Variants in GLIS3 observed in about 807,000 individuals in gnomAD.
The protein encoded by GLIS3 is GLIS family zinc finger 3.
In GLIS3, 53 loss-of-function variants were observed where a neutral mutation model predicts 78.6. The ratio of observed to expected loss-of-function variants is 0.67; its 90% confidence interval spans 0.54 to 0.85. The LOEUF (loss-of-function observed/expected upper bound fraction) is 0.85. Ranked by LOEUF, GLIS3 falls within the 40% of genes least tolerant of loss-of-function variation. GLIS3 has a pLI of 0.00. For synonymous variants in GLIS3, 684 were observed against 509.9 expected, an observed-to-expected ratio of 1.34 and a Z score of -4.60; for missense variants, 1,703 against 1,231.1, an observed-to-expected ratio of 1.38 and a Z score of -5.74.
intron 2 of GLIS3, among the ~76,000 whole-genome samples, chr9:4,214,383 C>T (rs771717309): frequency 6.6e-6 from 1 of 152,174 alleles, no homozygotes; most frequent in Non-Finnish European, 1.5e-5. Flanking sequence ...CTTAGTGTCA[C>T]AACATGTGTC....
At position 3,906,385 on chromosome 9, in the gene GLIS3, C is replaced by A. The variant is rs924962318; in HGVS notation, c.1984-7550G>T. ...TGAGAAGTGGTCCAGCTGAATTGCT[C>A]GACCTTCAAAAGTGCTCTTTCGAAG... is the stretch of plus-strand genomic sequence containing the variant. On this transcript the variant is annotated intron_variant, in intron 6 of 10. Coordinates refer to ENST00000381971, the MANE Select transcript of GLIS3 (RefSeq NM_001042413.2). Among the ~76,000 whole-genome samples, 3 of 152,166 alleles carry A rather than the reference C, an allele frequency of 2.0e-5. No homozygotes were observed. In the South Asian group the frequency reaches 6.2e-4, roughly 32 times the overall value.
chr9:4,440,361 T>C, the GLIS3 span, among the ~76,000 whole-genome samples: 1 of 152,200 alleles, frequency 6.6e-6, no homozygotes, highest in Non-Finnish European at 1.5e-5. Context: ...TTTGAGTTCA[T>C]TTTTTATATA....
chr9:4,144,547 CA>C (rs1196470163), intron 2 of GLIS3, among the ~76,000 whole-genome samples: 1 of 151,948 alleles, frequency 6.6e-6, no homozygotes, highest in East Asian at 1.9e-4. Context: ...CTCTACATGC[CA>C]AAAAGTCAGA....
At chr9:4,328,563 A>T (rs71510218) in intron 2 of GLIS3, among the ~76,000 whole-genome samples, 25,323 of 152,282 alleles carry the variant, frequency 0.17, 2,105 homozygotes, top group East Asian at 0.23. Context: ...GGCCAAGCCC[A>T]GAATCCCAAG....
In GLIS3 at chr9:4,118,731, C is replaced by T. The variant is rs745565136; in HGVS notation, c.747G>A (p.Gly249=). The change falls in exon 4 of 11, where the codon GGG becomes GGA. Residue 249 remains glycine, a synonymous_variant. Coordinates refer to ENST00000381971, the MANE Select transcript of GLIS3 (RefSeq NM_001042413.2). The surrounding 1 kb of genome is among the most constrained non-coding windows in gnomAD (Gnocchi z 4.7). ...NHGSQNGLDL[G]DLLSLPPGTS... ...TCCCGGGAGGAAGGCTAAGGAGATCCCCTAGATCAAGGCCATTCTGAGAGC... is the reference window on the plus strand; with the variant it reads ...TCCCGGGAGGAAGGCTAAGGAGATCTCCTAGATCAAGGCCATTCTGAGAGC... 1 of 1,613,910 alleles carries T rather than the reference C, an allele frequency of 6.2e-7. No individual in the cohort carries two copies. Among genetic ancestry groups the T allele is most frequent in the South Asian group, 1.1e-5 (1 of 91,074 alleles).
At chr9:4,352,605 G>A (rs149739309), upstream of GLIS3, among the ~76,000 whole-genome samples, 1 of 152,212 alleles carries the variant, frequency 6.6e-6, no homozygotes, top group Non-Finnish European at 1.5e-5. Flanking sequence ...GTAGAGGGAG[G>A]TTTCTTCCTT....
At chr9:4,035,675 C>T (rs889230948) in intron 4 of GLIS3, among the ~76,000 whole-genome samples, 8 of 151,972 alleles carry the variant, frequency 5.3e-5, no homozygotes, top group African/African-American at 1.5e-4. Context: ...TCCCAAAGCA[C>T]GGGTCAGGGA....
At chr9:3,864,928 C>T (rs1429493697) in intron 8 of GLIS3, among the ~76,000 whole-genome samples, 2 of 152,158 alleles carry the variant, frequency 1.3e-5, no homozygotes, top group African/African-American at 4.8e-5. Flanking sequence ...TGAAGAATTA[C>T]TCTGCTGAAC....
intron 1 of GLIS3, among the ~76,000 whole-genome samples, chr9:4,295,883 A>C (rs765326810): frequency 2.0e-5 from 3 of 152,220 alleles, no homozygotes; most frequent in African/African-American, 4.8e-5. Flanking sequence ...ATGTCATTTC[A>C]AAGGTTTTGT....
chr9:4,282,370 C>A (rs974970117), intron 2 of GLIS3, among the ~76,000 whole-genome samples: 2 of 152,184 alleles, frequency 1.3e-5, no homozygotes, highest in African/African-American at 4.8e-5. Flanking sequence ...AGTCAGTACA[C>A]TGAGTAAAAC....
Position 3,920,000 on chromosome 9 carries a change from G to GTT in GLIS3, c.1983+12358_1983+12359dup, listed in dbSNP as rs35461429. The stretch of plus-strand genomic sequence containing the variant: ...TAATGGCATCCATTATGCTATTACA[G>GTT]TTTTTTTTTTTTTTTTTTTTTGAGA... On this transcript the variant is annotated intron_variant, in intron 6 of 10. Transcript: ENST00000381971. Among the ~76,000 whole-genome samples, 403 of 79,588 alleles carry GTT rather than the reference G, an allele frequency of 5.1e-3. 6 individuals carry two copies. Among genetic ancestry groups the GTT allele is most frequent in the African/African-American group, 0.016 (375 of 23,224 alleles). The allele number at this position is 79,588 out of a possible 152,430, so 52.2% of individuals were successfully genotyped here. A position where few individuals can be genotyped will look rare whatever the true frequency, so the allele number is the denominator to read the frequency against.
At chr9:4,189,420 G>T (rs1474096727) in intron 2 of GLIS3, among the ~76,000 whole-genome samples, 1 of 151,984 alleles carries the variant, frequency 6.6e-6, no homozygotes, top group Non-Finnish European at 1.5e-5. Context: ...CCAACTATGT[G>T]GTCAATTTTG....
intron 4 of GLIS3, among the ~76,000 whole-genome samples, chr9:3,983,467 C>G (rs551510787): frequency 6.6e-6 from 1 of 152,110 alleles, no homozygotes; most frequent in Non-Finnish European, 1.5e-5. Context: ...GACTGGGTAA[C>G]AGGCAGGGAT....
the GLIS3 span, among the ~76,000 whole-genome samples, chr9:4,388,088 C>A: frequency 6.6e-6 from 1 of 152,140 alleles, no homozygotes. Flanking sequence ...AAGTTTCTTA[C>A]CTGCATTCAG....
At chr9:3,955,320 G>C (rs950875683) in intron 4 of GLIS3, among the ~76,000 whole-genome samples, 3 of 152,128 alleles carry the variant, frequency 2.0e-5, no homozygotes, top group East Asian at 1.9e-4. Flanking sequence ...AAAGAAAAAA[G>C]TCAGACAGTT....
chr9:4,064,676 C>G (rs563905588), intron 4 of GLIS3, among the ~76,000 whole-genome samples: 3 of 152,116 alleles, frequency 2.0e-5, no homozygotes, highest in African/African-American at 4.8e-5. Flanking sequence ...CACCTGTAAT[C>G]CCAGCTACTT....
chr9:4,414,645 T>C, the GLIS3 span, among the ~76,000 whole-genome samples: 1 of 152,210 alleles, frequency 6.6e-6, no homozygotes, highest in African/African-American at 2.4e-5. Flanking sequence ...ATTCATTGCT[T>C]GACCAATCTG....
At chr9:3,937,656 G>A (rs1275942688) in intron 4 of GLIS3, among the ~76,000 whole-genome samples, 3 of 152,074 alleles carry the variant, frequency 2.0e-5, no homozygotes, top group Admixed American at 6.6e-5. Flanking sequence ...AGATTTGAGA[G>A]TCCAGGATGA....
intron 2 of GLIS3, among the ~76,000 whole-genome samples, chr9:4,178,626 T>C (rs1281261026): frequency 6.6e-6 from 1 of 152,198 alleles, no homozygotes; most frequent in Non-Finnish European, 1.5e-5. Context: ...ACCCCTGACA[T>C]AGCAACCACA....
Sources: gnomAD v4.1 joint callset for allele counts (sites outside exome capture counted in the v4.1 genomes callset) on GRCh38, gnomAD v4.1.1 for gene constraint, Gnocchi (gnomAD v3.1) non-coding constraint, MANE v1.5 for transcripts, NCBI Gene and HGNC (gene_info 2026-07-23, HGNC 2026-07-21) for gene names.